AFF3: variants seen among roughly 807,000 people sequenced by gnomAD.
AFF3 encodes the protein ALF transcription elongation factor 3, also known as AF4/FMR2 family member 3.
Under a neutral mutation model 129.7 loss-of-function variants are expected in AFF3, and 32 were observed. The observed-to-expected ratio is 0.25, with a 90% CI of 0.19 to 0.33. The LOEUF is 0.33. Among genes scored for constraint, AFF3 ranks in the 10% least tolerant of loss-of-function variants. The pLI is 1.00. For missense variants in AFF3, 1,373 were observed against 1,592.0 expected (o/e 0.86, Z 2.34); for synonymous variants, 644 against 635.4 (o/e 1.01, Z -0.20).
intron 9 of AFF3, among the ~76,000 whole-genome samples, chr2:99,748,456 G>A (rs1681351375): frequency 6.6e-6 from 1 of 152,152 alleles, no homozygotes; most frequent in Non-Finnish European, 1.5e-5. Flanking sequence ...AGCGGTGGAG[G>A]TGACATGTGT....
chr2:100,051,293 T>C (rs1686310281), intron 4 of AFF3, among the ~76,000 whole-genome samples: 1 of 152,088 alleles, frequency 6.6e-6, no homozygotes, highest in Non-Finnish European at 1.5e-5. Flanking sequence ...GAAAGAGAGC[T>C]GGAGAATACG....
intron 4 of AFF3, among the ~76,000 whole-genome samples, chr2:100,031,693 G>A (rs1309257313): frequency 6.6e-6 from 1 of 152,228 alleles, no homozygotes; most frequent in Non-Finnish European, 1.5e-5. Flanking sequence ...ATGTATCAAA[G>A]GGTTACAGGA....
chr2:99,635,144 T>C (rs527399059), intron 13 of AFF3, among the ~76,000 whole-genome samples: 2 of 151,916 alleles, frequency 1.3e-5, no homozygotes, highest in South Asian at 4.1e-4. Flanking sequence ...TATATACACA[T>C]ATCTCTAGGT....
intron 7 of AFF3, among the ~76,000 whole-genome samples, chr2:99,984,390 C>T (rs73964394): frequency 0.021 from 3,175 of 152,184 alleles, 57 homozygotes; most frequent in Middle Eastern, 0.051. Flanking sequence ...CAGTTTTATG[C>T]GAAGTCCTTA....
chr2:99,558,480 C>T (rs1172560397), intron 22 of AFF3, among the ~76,000 whole-genome samples: 4 of 151,848 alleles, frequency 2.6e-5, no homozygotes, highest in Admixed American at 6.6e-5. Context: ...ATTAGCCAGG[C>T]GTGGTGGTGT....
chr2:99,995,202 G>A (rs1476115414), intron 7 of AFF3, among the ~76,000 whole-genome samples: 1 of 152,008 alleles, frequency 6.6e-6, no homozygotes, highest in Non-Finnish European at 1.5e-5. Flanking sequence ...GTCTTCATAG[G>A]TGACTCCTAC....
At chr2:99,647,231 CA>C (rs1684775143) in intron 13 of AFF3, among the ~76,000 whole-genome samples, 1 of 152,132 alleles carries the variant, frequency 6.6e-6, no homozygotes, top group Admixed American at 6.6e-5. Flanking sequence ...TTCACAGTAG[CA>C]AAGACATGGA....
At chr2:99,791,630 A>T (rs1685193561) in intron 8 of AFF3, among the ~76,000 whole-genome samples, 1 of 152,126 alleles carries the variant, frequency 6.6e-6, no homozygotes, top group Non-Finnish European at 1.5e-5. Flanking sequence ...AAATTTACTG[A>T]TGCCCCAAAT....
chr2:99,940,363 GA>G lies in AFF3; in HGVS notation c.873+66268del, dbSNP rs112783790. Among the ~76,000 whole-genome samples the G allele has an allele frequency of 5.4e-3, 818 of 152,326 alleles. 6 individuals are homozygous for G. The highest frequency in any genetic ancestry group is 0.019 in the African/African-American group (785 of 41,572). On this transcript the variant is annotated intron_variant, in intron 7 of 24. Coordinates refer to ENST00000672756, the MANE Select transcript of AFF3 (RefSeq NM_001386135.1). ...AATAGGAGCTGGGTAAAATGAGGCT[GA>G]AACCTACTGGGCTGCATTCCCAGAT...
At chr2:99,797,339 T>C (rs951138601) in intron 8 of AFF3, among the ~76,000 whole-genome samples, 1 of 151,882 alleles carries the variant, frequency 6.6e-6, no homozygotes, top group Non-Finnish European at 1.5e-5. Flanking sequence ...AGAATAGAGA[T>C]TGTAAAAGAA....
chr2:99,736,257 C>T (rs1387063604), intron 10 of AFF3, among the ~76,000 whole-genome samples: 21 of 152,134 alleles, frequency 1.4e-4, no homozygotes, highest in Admixed American at 1.4e-3. Context: ...TAATTTGTGA[C>T]TTTTACTTTT....
intron 2 of AFF3, among the ~76,000 whole-genome samples, chr2:100,116,080 A>G (rs915133023): frequency 2.0e-5 from 3 of 152,178 alleles, no homozygotes; most frequent in African/African-American, 7.2e-5. Flanking sequence ...CCTGTTAACA[A>G]TGATGAGTGG....
chr2:100,057,492 C>T (rs1298556157), intron 4 of AFF3, among the ~76,000 whole-genome samples: 1 of 152,104 alleles, frequency 6.6e-6, no homozygotes, highest in African/African-American at 2.4e-5. Flanking sequence ...AAGCACATAG[C>T]ATTTACACAT....
intron 4 of AFF3, among the ~76,000 whole-genome samples, chr2:100,072,471 C>T (rs1277207023): frequency 6.6e-6 from 1 of 152,134 alleles, no homozygotes; most frequent in Non-Finnish European, 1.5e-5. Context: ...GAACCCTTGG[C>T]CTTTAAGGGC....
intron 17 of AFF3, 76 bp from the exon 18 acceptor site, chr2:99,578,527 C>A: frequency 1.3e-6 from 2 of 1,564,100 alleles, no homozygotes; most frequent in Non-Finnish European, 1.7e-6. Context: ...TACATACATA[C>A]GTAGAATATC....
intron 13 of AFF3, among the ~76,000 whole-genome samples, chr2:99,636,964 C>T (rs1168092116): frequency 6.6e-6 from 1 of 152,130 alleles, no homozygotes; most frequent in South Asian, 2.1e-4. Context: ...GCCCTGTGCC[C>T]AGAGTGAGCA....
intron 8 of AFF3, among the ~76,000 whole-genome samples, chr2:99,752,849 C>A (rs913458753): frequency 2.6e-5 from 4 of 152,170 alleles, no homozygotes; most frequent in Non-Finnish European, 2.9e-5. Context: ...AGAATGATGT[C>A]ATTTCTTATA....
chr2:99,638,559 C>A (rs1418249682), intron 13 of AFF3, among the ~76,000 whole-genome samples: 1 of 152,094 alleles, frequency 6.6e-6, no homozygotes, highest in Non-Finnish European at 1.5e-5. Flanking sequence ...GCCCAGCTGT[C>A]CCCCCGCCCA....
intron 13 of AFF3, chr2:99,631,042 G>A (rs1185300090): frequency 4.4e-6 from 2 of 453,148 alleles, no homozygotes; most frequent in Admixed American, 2.5e-5. Flanking sequence ...ACTGTGAGCT[G>A]CTGCAGGGAG....
Sources: gnomAD v4.1 joint callset for allele counts (sites outside exome capture counted in the v4.1 genomes callset) on GRCh38, gnomAD v4.1.1 for gene constraint, MANE v1.5 for transcripts, NCBI Gene and HGNC (gene_info 2026-07-23, HGNC 2026-07-21) for gene names.